STXBP4: variants seen among roughly 807,000 people sequenced by gnomAD.
STXBP4 encodes the protein syntaxin binding protein 4, also known as syntaxin-binding protein 4.
A neutral mutation model predicts 76.1 loss-of-function variants in STXBP4; 55 were observed. That is an observed-to-expected ratio of 0.72 (90% CI 0.58 to 0.91). The LOEUF (loss-of-function observed/expected upper bound fraction) is 0.91, where lower values mean the gene tolerates loss of function less well. STXBP4 is among the 40% of genes least tolerant of loss of function. The probability of loss-of-function intolerance (pLI) is 0.00; values close to 1 mark genes in which losing one functional copy is unlikely to be tolerated. For missense variants in STXBP4, 618 were observed against 636.9 expected (o/e 0.97, Z 0.32); for synonymous variants, 201 against 220.2 (o/e 0.91, Z 0.77).
chr17:55,042,718 A>AT (rs563997725), intron 10 of STXBP4, among the ~76,000 whole-genome samples: 6 of 152,022 alleles, frequency 3.9e-5, no homozygotes, highest in Non-Finnish European at 8.8e-5. Context: ...ATTATCTTCA[A>AT]TCTACAATTT....
chr17:55,068,063 G>T (rs901198928), intron 12 of STXBP4, among the ~76,000 whole-genome samples: 3 of 152,090 alleles, frequency 2.0e-5, no homozygotes, highest in African/African-American at 7.2e-5. Flanking sequence ...CCATTGAAAG[G>T]TATATTATAT....
At chr17:55,137,014 T>G (rs549009054) in intron 16 of STXBP4, among the ~76,000 whole-genome samples, 1 of 152,230 alleles carries the variant, frequency 6.6e-6, no homozygotes, top group South Asian at 2.1e-4. Flanking sequence ...AAGGGTATCA[T>G]GCTAACCCCC....
At chr17:55,154,121 G>C (rs1379366691) in intron 17 of STXBP4, among the ~76,000 whole-genome samples, 1 of 152,066 alleles carries the variant, frequency 6.6e-6, no homozygotes, top group East Asian at 1.9e-4. Flanking sequence ...TAGTGATGTT[G>C]AGACCCAGGC....
chr17:54,999,837 T>G lies in STXBP4; in HGVS notation c.493T>G (p.Cys165Gly). 1 of 1,607,766 alleles carries G rather than the reference T, an allele frequency of 6.2e-7. No individual in the cohort carries two copies. The highest frequency in any genetic ancestry group is 8.5e-7 in the Non-Finnish European group (1 of 1,175,344). Residue 165 changes from cysteine (C) to glycine (G), a missense_variant, in exon 6 of 18, where the codon TGT becomes GGT. By Grantham distance (159) the Cys-to-Gly change is radical. Transcript: ENST00000376352. ...AACAAATAATGACATTTTATCTTCT[T>G]GTGAGGTAAGTCAGGTAATCTTAAA... ...PKTNNDILSS[C>G]EIKTGYNKTV... is the part of the protein sequence containing the mutation.
At chr17:55,075,473 T>C (rs2079170702) in intron 13 of STXBP4, among the ~76,000 whole-genome samples, 1 of 152,170 alleles carries the variant, frequency 6.6e-6, no homozygotes, top group South Asian at 2.1e-4. Flanking sequence ...TCTTCTGTTA[T>C]AAATGGTGCT....
the STXBP4 span, among the ~76,000 whole-genome samples, chr17:55,185,884 A>T: frequency 6.6e-6 from 1 of 152,206 alleles, no homozygotes; most frequent in Non-Finnish European, 1.5e-5. Context: ...TCATGTTTAA[A>T]GGCACGGAGA....
At chr17:55,013,241 G>A (rs1164377462) in intron 8 of STXBP4, among the ~76,000 whole-genome samples, 3 of 152,192 alleles carry the variant, frequency 2.0e-5, no homozygotes, top group African/African-American at 7.2e-5. Flanking sequence ...TCCCAGAGCT[G>A]TTTCTGTTTT....
At chr17:55,063,152 C>T (rs2079013811) in intron 12 of STXBP4, among the ~76,000 whole-genome samples, 1 of 152,202 alleles carries the variant, frequency 6.6e-6, no homozygotes, top group Non-Finnish European at 1.5e-5. Flanking sequence ...TTTGCGCAGA[C>T]ACCAACCATA....
At chr17:55,181,818 A>G in the STXBP4 span, among the ~76,000 whole-genome samples, 1 of 152,202 alleles carries the variant, frequency 6.6e-6, no homozygotes, top group Non-Finnish European at 1.5e-5. Flanking sequence ...TAAGGGTATG[A>G]GTTACTGAAC....
intron 15 of STXBP4, among the ~76,000 whole-genome samples, chr17:55,080,297 A>G (rs1450826640): frequency 1.3e-5 from 2 of 152,164 alleles, no homozygotes; most frequent in Non-Finnish European, 1.5e-5. Flanking sequence ...CATATCCTCT[A>G]CATGGATATT....
At chr17:55,003,631 C>A (rs1457211071) in intron 7 of STXBP4, among the ~76,000 whole-genome samples, 1 of 152,146 alleles carries the variant, frequency 6.6e-6, no homozygotes, top group Admixed American at 6.6e-5. Context: ...TTAATGTTAA[C>A]CTCAACAAAA....
chr17:55,133,126 C>G (rs2079991008), intron 16 of STXBP4, among the ~76,000 whole-genome samples: 1 of 151,738 alleles, frequency 6.6e-6, no homozygotes, highest in African/African-American at 2.4e-5. Context: ...AGTTAGAGTG[C>G]TATCAGAATA....
chr17:55,130,504 T>C (rs2079962837), intron 16 of STXBP4, among the ~76,000 whole-genome samples: 1 of 152,224 alleles, frequency 6.6e-6, no homozygotes, highest in African/African-American at 2.4e-5. Flanking sequence ...TTTCATCACC[T>C]CATATACTTA....
At chr17:55,017,605 G>C (rs559761556) in intron 8 of STXBP4, among the ~76,000 whole-genome samples, 1 of 152,330 alleles carries the variant, frequency 6.6e-6, no homozygotes, top group Admixed American at 6.5e-5. Flanking sequence ...AGGAGGTATG[G>C]GTTAGAAGGA....
intron 7 of STXBP4, among the ~76,000 whole-genome samples, chr17:55,002,565 A>G (rs1406027231): frequency 1.3e-5 from 2 of 152,212 alleles, no homozygotes; most frequent in East Asian, 3.8e-4. Context: ...AGAGCAGGAT[A>G]TGGGTGGTTT....
chr17:55,007,632 G>A, intron 8 of STXBP4, 35 bp downstream of exon 8: 1 of 1,506,684 alleles, frequency 6.6e-7, no homozygotes, highest in East Asian at 2.3e-5. Flanking sequence ...TCTTCCATAA[G>A]ACAAAAACAG....
At chr17:55,205,431 A>G in the STXBP4 span, among the ~76,000 whole-genome samples, 1 of 152,164 alleles carries the variant, frequency 6.6e-6, no homozygotes, top group African/African-American at 2.4e-5. Context: ...AAAACAAATG[A>G]CAGATTTGTC....
At chr17:55,064,764 A>G (rs2079030420) in intron 12 of STXBP4, among the ~76,000 whole-genome samples, 1 of 152,168 alleles carries the variant, frequency 6.6e-6, no homozygotes. Flanking sequence ...TCCGCCTCCC[A>G]AAGTGCCGGG....
intron 16 of STXBP4, among the ~76,000 whole-genome samples, chr17:55,094,611 TA>T (rs1169286779): frequency 2.0e-5 from 3 of 152,064 alleles, no homozygotes; most frequent in Non-Finnish European, 4.4e-5. Flanking sequence ...TTTCAATGAG[TA>T]AAAAAAAGTC....
Sources: gnomAD v4.1 joint callset for allele counts (sites outside exome capture counted in the v4.1 genomes callset) on GRCh38, gnomAD v4.1.1 for gene constraint, MANE v1.5 for transcripts, NCBI Gene and HGNC (gene_info 2026-07-23, HGNC 2026-07-21) for gene names.